DCC: variants seen among roughly 807,000 people sequenced by gnomAD.
The protein encoded by DCC is netrin receptor DCC.
Under a neutral mutation model 172.5 loss-of-function variants are expected in DCC, and 58 were observed. The observed-to-expected ratio is 0.34, with a 90% confidence interval of 0.27 to 0.42. The LOEUF (loss-of-function observed/expected upper bound fraction) is 0.42. Ranked by LOEUF, DCC falls within the 10% of genes least tolerant of loss-of-function variation. The pLI, the probability that DCC is intolerant of heterozygous loss-of-function variation, is 1.00. For missense variants in DCC, 1,740 were observed against 1,791.0 expected (o/e 0.97, Z 0.51); for synonymous variants, 709 against 644.5 (o/e 1.10, Z -1.52).
chr18:53,082,225 A>T (rs1180480765), intron 7 of DCC, among the ~76,000 whole-genome samples: 1 of 152,162 alleles, frequency 6.6e-6, no homozygotes, highest in African/African-American at 2.4e-5. Flanking sequence ...AGAAAACATT[A>T]AATATAATAA....
At chr18:53,419,961 C>A (rs1368377360) in intron 21 of DCC, among the ~76,000 whole-genome samples, 6 of 152,122 alleles carry the variant, frequency 3.9e-5, no homozygotes, top group Non-Finnish European at 8.8e-5. Context: ...TCAAGCGATT[C>A]TCCTGCCTCA....
At chr18:52,515,603 T>A in intron 1 of DCC, among the ~76,000 whole-genome samples, 3 of 2,332 alleles carry the variant, frequency 1.3e-3, no homozygotes, top group Non-Finnish European at 1.6e-3. Context: ...CGAAACCCTG[T>A]CTCAAAAAAA....
intron 14 of DCC, among the ~76,000 whole-genome samples, chr18:53,327,344 A>G (rs558242654): frequency 1.8e-4 from 28 of 152,208 alleles, no homozygotes; most frequent in African/African-American, 6.7e-4. Flanking sequence ...AGAATTCCCT[A>G]GGGTTTTCAT....
Position 52,696,031 on chromosome 18 carries a change from A to T in DCC, c.92-56023A>T, listed in dbSNP as rs571729297. Among the ~76,000 whole-genome samples the T allele has an allele frequency of 3.3e-5, 5 of 152,364 alleles. No homozygotes were observed. In the South Asian group the frequency reaches 1.0e-3, roughly 32 times the overall value. ...AGCATTGAATGAATGTATTGTTAGC[A>T]GCTTAAAGTTAATTTTGGAAGAAAA... On this transcript the variant is annotated intron_variant, in intron 1 of 28. Transcript: ENST00000442544.
chr18:53,305,706 G>A lies in DCC; in HGVS notation c.2040G>A (p.Trp680Ter). 6.2e-7 allele frequency: 1 copy of A among 1,613,954 alleles called. No individual in the cohort carries two copies. Among genetic ancestry groups the A allele is most frequent in the Non-Finnish European group, 8.5e-7 (1 of 1,179,890 alleles). Residue 680 changes from tryptophan (W) to a stop codon, truncating the protein, a stop_gained, in exon 13 of 29, where the codon TGG becomes TGA. Transcript: ENST00000442544. LOFTEE classifies it high-confidence loss of function. ...AAACACTGGAGCCAAACAACCTCTG[G>A]TACCTATTCACAGGTCAGTGTTCAC... ...EMETLEPNNLWYLFTGLEKGS... is the reference protein window; with the variant it reads ...EMETLEPNNL
chr18:52,413,691 T>G (rs1483268090), intron 1 of DCC, among the ~76,000 whole-genome samples: 1 of 152,154 alleles, frequency 6.6e-6, no homozygotes, highest in African/African-American at 2.4e-5. Context: ...TTTAATCCTT[T>G]TCAAAGGGGA....
chr18:52,432,622 T>C lies in DCC; in HGVS notation c.91+91744T>C, dbSNP rs144537899. On this transcript the variant is annotated intron_variant, in intron 1 of 28. Transcript: ENST00000442544. ...TTTATCTCTCTCCTTTGCTTCATGT[T>C]GCATTTGCATAAATGGTTCTTTAAT... Among the ~76,000 whole-genome samples the C allele has an allele frequency of 4.9e-3, 751 of 152,334 alleles. 6 individuals carry two copies. The highest frequency in any genetic ancestry group is 0.017 in the African/African-American group (721 of 41,570).
chr18:52,499,710 C>G (rs997332100), intron 1 of DCC, among the ~76,000 whole-genome samples: 2 of 152,068 alleles, frequency 1.3e-5, no homozygotes, highest in Non-Finnish European at 2.9e-5. Context: ...CCCTAGAGAG[C>G]CATTCTATTA....
At chr18:52,591,707 T>C (rs956060757) in intron 1 of DCC, among the ~76,000 whole-genome samples, 1 of 152,048 alleles carries the variant, frequency 6.6e-6, no homozygotes. Flanking sequence ...CTCAGCCTTC[T>C]GAGTAGCTGG....
chr18:52,985,063 TC>T (rs1673062318), intron 5 of DCC, among the ~76,000 whole-genome samples: 1 of 152,144 alleles, frequency 6.6e-6, no homozygotes, highest in Non-Finnish European at 1.5e-5. Context: ...TATCATTTTT[TC>T]CCTTGGAGCT....
chr18:53,519,417 C>A (rs1206618247), intron 27 of DCC, among the ~76,000 whole-genome samples: 1 of 151,934 alleles, frequency 6.6e-6, no homozygotes, highest in African/African-American at 2.4e-5. Context: ...TCTTTCAAGG[C>A]CTATTTGCAA....
intron 2 of DCC, among the ~76,000 whole-genome samples, chr18:52,871,943 G>A (rs538165464): frequency 6.6e-6 from 1 of 152,204 alleles, no homozygotes; most frequent in African/African-American, 2.4e-5. Flanking sequence ...CTACTGGTAT[G>A]TCAAGTCCTG....
At chr18:52,357,422 A>G (rs1984418103) in intron 1 of DCC, among the ~76,000 whole-genome samples, 1 of 152,204 alleles carries the variant, frequency 6.6e-6, no homozygotes, top group Admixed American at 6.5e-5. Flanking sequence ...AACTGCAACA[A>G]TTTGAGCAAG....
intron 28 of DCC, among the ~76,000 whole-genome samples, chr18:53,529,484 A>G (rs144156746): frequency 1.6e-3 from 250 of 152,306 alleles, no homozygotes; most frequent in African/African-American, 5.8e-3. Flanking sequence ...GTCAACTAAT[A>G]TGTTCAAGAA....
intron 24 of DCC, among the ~76,000 whole-genome samples, chr18:53,463,257 TA>T (rs2145174844): frequency 6.6e-6 from 1 of 152,308 alleles, no homozygotes; most frequent in South Asian, 2.1e-4. Flanking sequence ...GAGATGACAT[TA>T]AGTTGATATC....
intron 5 of DCC, among the ~76,000 whole-genome samples, chr18:52,958,281 AATAG>A (rs958068464): frequency 2.6e-5 from 4 of 152,076 alleles, no homozygotes; most frequent in Admixed American, 2.6e-4. Flanking sequence ...ATCTATCAAA[AATAG>A]ATAATCTATC....
At chr18:52,778,413 C>T (rs1732089599) in intron 2 of DCC, among the ~76,000 whole-genome samples, 1 of 152,032 alleles carries the variant, frequency 6.6e-6, no homozygotes, top group South Asian at 2.1e-4. Context: ...CACTATTAAA[C>T]TCTGTGAACC....
chr18:52,707,800 C>CA (rs1299946363), intron 1 of DCC, among the ~76,000 whole-genome samples: 1 of 152,034 alleles, frequency 6.6e-6, no homozygotes, highest in Non-Finnish European at 1.5e-5. Context: ...TATGTGGAAT[C>CA]AAAAAAGACA....
chr18:52,417,820 T>G lies in DCC; in HGVS notation c.91+76942T>G, dbSNP rs528183042. ...AACTTCTTTGCCTTTGGTTTGAATT[T>G]CCTCCTGTAGCTCGGAGTAGTTTGA... is the stretch of plus-strand genomic sequence containing the variant. On this transcript the variant is annotated intron_variant, in intron 1 of 28. Coordinates refer to ENST00000442544, the MANE Select transcript of DCC (RefSeq NM_005215.4). 2.0e-5 allele frequency among the ~76,000 whole-genome samples: 3 copies of G among 152,350 alleles called. No homozygotes were observed. In the East Asian group the frequency reaches 5.8e-4, roughly 29 times the overall value.
Sources: gnomAD v4.1 joint callset for allele counts (sites outside exome capture counted in the v4.1 genomes callset) on GRCh38, gnomAD v4.1.1 for gene constraint, MANE v1.5 for transcripts, NCBI Gene and HGNC (gene_info 2026-07-23, HGNC 2026-07-21) for gene names.